The following ANKRD63 variants were observed in gnomAD, a reference collection of about 807,000 sequenced individuals.
ANKRD63 encodes ankyrin repeat domain 63.
Under a neutral mutation model 21.2 loss-of-function variants are expected in ANKRD63, and 18 were observed. The observed-to-expected ratio is 0.85, with a 90% CI of 0.59 to 1.26. The LOEUF (loss-of-function observed/expected upper bound fraction) is 1.26, where lower values mean the gene tolerates loss of function less well. Ranked by LOEUF, ANKRD63 falls within the 50% of genes most tolerant of loss-of-function variation. ANKRD63 has a pLI of 0.00. For missense variants in ANKRD63, 523 were observed against 570.9 expected, an observed-to-expected ratio of 0.92 and a Z score of 0.85; for synonymous variants, 322 against 273.3, an observed-to-expected ratio of 1.18 and a Z score of -1.76.
In ANKRD63 at chr15:40,281,410, G is replaced by C; in HGVS notation, c.*34C>G. 7.4e-7 allele frequency: 1 copy of C among 1,360,070 alleles called. No individual in the cohort carries two copies. The highest frequency in any genetic ancestry group is 1.7e-5 in the South Asian group (1 of 57,378). The allele number at this position is 1,360,070 out of a possible 1,614,324, so 84.3% of individuals were successfully genotyped here. Reference sequence around the variant, plus strand: ...AATACCAGTGGAGTAGAAACGGGAGGGTAGGGGAAGCAGGCCTCGGGCCTT... The same window carrying C: ...AATACCAGTGGAGTAGAAACGGGAGCGTAGGGGAAGCAGGCCTCGGGCCTT... On this transcript the variant is annotated 3_prime_UTR_variant, in exon 1 of 1. Coordinates refer to ENST00000434396, the MANE Select transcript of ANKRD63 (RefSeq NM_001190479.3).
chr15:40,282,622 C>A lies in ANKRD63; in HGVS notation c.-36G>T. The A allele has an allele frequency of 7.4e-7, 1 of 1,356,250 alleles. No individual in the cohort carries two copies. Among genetic ancestry groups the A allele is most frequent in the South Asian group, 1.7e-5 (1 of 57,582 alleles). The allele number at this position is 1,356,250 out of a possible 1,614,324, so 84.0% of individuals were successfully genotyped here. On this transcript the variant is annotated 5_prime_UTR_variant, in exon 1 of 1. Transcript: ENST00000434396. Reference sequence around the variant, plus strand: ...GCCGCGCCCGGGCAGCCTGGCAGTTCCGCACGGGGGCGCCCCTGTTCTCGC... The same window carrying A: ...GCCGCGCCCGGGCAGCCTGGCAGTTACGCACGGGGGCGCCCCTGTTCTCGC...
rs2039537233 is a variant in ANKRD63, at chr15:40,281,178, G to GA, written c.*265dup. On this transcript the variant is annotated 3_prime_UTR_variant, in exon 1 of 1. Transcript: ENST00000434396. ...ATTGAGCCTGAGGGCTGGGGAGGGG[G>GA]AATCCACCTTCCTGGCTGTAGCCTA... is the stretch of plus-strand genomic sequence containing the variant. Among the ~76,000 whole-genome samples the GA allele has an allele frequency of 1.3e-5, 2 of 152,208 alleles. No individual in the cohort carries two copies. The highest frequency in any genetic ancestry group is 2.1e-4 in the South Asian group (1 of 4,832).
chr15:40,278,693 C>T lies in ANKRD63; in HGVS notation c.*2751G>A, dbSNP rs1041271767. ...AAAACATGGAAGTTCTGCACAGAGC[C>T]GGGCCTGGGAAGGAGTCTGTATGTA... On this transcript the variant is annotated 3_prime_UTR_variant, in exon 1 of 1. Transcript: ENST00000434396. Among the ~76,000 whole-genome samples, 2 of 152,130 alleles carry T rather than the reference C, an allele frequency of 1.3e-5. No individual in the cohort carries two copies. The highest frequency in any genetic ancestry group is 2.9e-5 in the Non-Finnish European group (2 of 68,030).
Position 40,281,953 on chromosome 15 carries a change from G to A in ANKRD63, c.634C>T (p.Arg212Cys), listed in dbSNP as rs1044594425. ...ASPEHRRPSP[R>C]RLPRPLLARF... ...GCCAGGAGAGGCCGCGGGAGGCGGC[G>A]GGGGCTGGGTCGTCGATGCTCGGGG... Residue 212 changes from arginine to cysteine, a missense_variant, in exon 1 of 1, where the codon CGC becomes TGC. Arg to Cys is a radical substitution (Grantham distance 180). Transcript: ENST00000434396. The A allele has an allele frequency of 3.8e-4, 502 of 1,306,714 alleles. No individual in the cohort carries two copies. Among genetic ancestry groups the A allele is most frequent in the Middle Eastern group, 5.8e-4 (2 of 3,458 alleles). 80.9% of individuals were successfully genotyped at this position (1,306,714 alleles called of 1,614,324 possible).
chr15:40,279,586 T>A lies in ANKRD63; in HGVS notation c.*1858A>T, dbSNP rs1218310718. Among the ~76,000 whole-genome samples the A allele has an allele frequency of 6.6e-6, 1 of 152,066 alleles. No individual in the cohort carries two copies. Among genetic ancestry groups the A allele is most frequent in the African/African-American group, 2.4e-5 (1 of 41,394 alleles). On this transcript the variant is annotated 3_prime_UTR_variant, in exon 1 of 1. Coordinates refer to ENST00000434396, the MANE Select transcript of ANKRD63 (RefSeq NM_001190479.3). The stretch of plus-strand genomic sequence containing the variant: ...CGCTGCCACCAGGGGGCACCAGAGA[T>A]CACGTCCAGTGCGCCGGCCTGCTTG...
In ANKRD63 at chr15:40,281,060, G is replaced by C. The variant is rs936554242; in HGVS notation, c.*384C>G. Reference sequence around the variant, plus strand: ...GGCTGGGTCCTTATTCTCCAAGGTGGACCCTTCTATTTACCTGGCTGCCCA... The same window carrying C: ...GGCTGGGTCCTTATTCTCCAAGGTGCACCCTTCTATTTACCTGGCTGCCCA... On this transcript the variant is annotated 3_prime_UTR_variant, in exon 1 of 1. Transcript: ENST00000434396. Among the ~76,000 whole-genome samples the C allele has an allele frequency of 6.6e-6, 1 of 152,170 alleles. No individual in the cohort carries two copies. The highest frequency in any genetic ancestry group is 2.4e-5 in the African/African-American group (1 of 41,452).
Position 40,282,674 on chromosome 15 carries a change from G to A in ANKRD63, c.-88C>T, listed in dbSNP as rs913078394. On this transcript the variant is annotated 5_prime_UTR_variant, in exon 1 of 1. Coordinates refer to ENST00000434396, the MANE Select transcript of ANKRD63 (RefSeq NM_001190479.3). Reference sequence around the variant, plus strand: ...CCCCGCGGGGCTCCGGCCTCCGCCCGCGCTCTGATACCTCTCCCTCCGCGC... The same window carrying A: ...CCCCGCGGGGCTCCGGCCTCCGCCCACGCTCTGATACCTCTCCCTCCGCGC... 2 of 1,051,338 alleles carry A rather than the reference G, an allele frequency of 1.9e-6. No homozygotes were observed. The highest frequency in any genetic ancestry group is 2.5e-6 in the Non-Finnish European group (2 of 789,396). The allele number at this position is 1,051,338 out of a possible 1,614,324, so 65.1% of individuals were successfully genotyped here. A position where few individuals can be genotyped will look rare whatever the true frequency, so the allele number is the denominator to read the frequency against.
In ANKRD63 at chr15:40,282,354, T is replaced by G; in HGVS notation, c.233A>C (p.Asn78Thr). ...GGTGCGGCCGCGCTCGTCTCGCAGGTTCACTGCAGCACCCTGCTCGAGCAG... is the reference window on the plus strand; with the variant it reads ...GGTGCGGCCGCGCTCGTCTCGCAGGGTCACTGCAGCACCCTGCTCGAGCAG... Reference protein sequence around the residue: ...RLLLEQGAAVNLRDERGRTAL... With the variant: ...RLLLEQGAAVTLRDERGRTAL... The change falls in exon 1 of 1, where the codon AAC becomes ACC. Residue 78 changes from asparagine (N) to threonine (T), a missense_variant. Asn to Thr is a moderately conservative substitution (Grantham distance 65). Around this residue, in one of 2 missense-constraint regions of ANKRD63, gnomAD observed 215 missense variants for 280.4 expected, o/e 0.77. Transcript: ENST00000434396. The G allele has an allele frequency of 6.6e-7, 1 of 1,510,382 alleles. No homozygotes were observed. The highest frequency in any genetic ancestry group is 8.8e-7 in the Non-Finnish European group (1 of 1,137,710). The allele number at this position is 1,510,382 out of a possible 1,614,324, so 93.6% of individuals were successfully genotyped here. A position where few individuals can be genotyped will look rare whatever the true frequency, so the allele number is the denominator to read the frequency against.
Position 40,279,048 on chromosome 15 carries a change from AAGC to A in ANKRD63, c.*2393_*2395del, listed in dbSNP as rs2039513812. Among the ~76,000 whole-genome samples, 2 of 152,246 alleles carry A rather than the reference AAGC, an allele frequency of 1.3e-5. No homozygotes were observed. The highest frequency in any genetic ancestry group is 2.4e-5 in the African/African-American group (1 of 41,454). On this transcript the variant is annotated 3_prime_UTR_variant, in exon 1 of 1. Transcript: ENST00000434396. ...AGTACATAAGCAAGCAAGGGTCAGA[AAGC>A]AGCAGTTTGCACTTGGGGTGTCCAG...
chr15:40,281,375 A>G lies in ANKRD63; in HGVS notation c.*69T>C. 1 of 1,278,502 alleles carries G rather than the reference A, an allele frequency of 7.8e-7. No homozygotes were observed. Among genetic ancestry groups the G allele is most frequent in the Non-Finnish European group, 1.0e-6 (1 of 994,338 alleles). 79.2% of individuals were successfully genotyped at this position (1,278,502 alleles called of 1,614,324 possible). A position where few individuals can be genotyped will look rare whatever the true frequency, so the allele number is the denominator to read the frequency against. On this transcript the variant is annotated 3_prime_UTR_variant, in exon 1 of 1. Coordinates refer to ENST00000434396, the MANE Select transcript of ANKRD63 (RefSeq NM_001190479.3). ...CGGCTGCCGAAAAGGTGAGGGACCT[A>G]GAAGAGAGAAATACCAGTGGAGTAG... is the stretch of plus-strand genomic sequence containing the variant.
Position 40,281,432 on chromosome 15 carries a change from C to A in ANKRD63, c.*12G>T. ...GAGGGTAGGGGAAGCAGGCCTCGGG[C>A]CTTGGCGCCGTTTACCGCTGAGCAC... On this transcript the variant is annotated 3_prime_UTR_variant, in exon 1 of 1. Transcript: ENST00000434396. 1 of 1,385,664 alleles carries A rather than the reference C, an allele frequency of 7.2e-7. No individual in the cohort carries two copies. The highest frequency in any genetic ancestry group is 9.3e-7 in the Non-Finnish European group (1 of 1,074,658). The allele number at this position is 1,385,664 out of a possible 1,614,324, so 85.8% of individuals were successfully genotyped here. A position where few individuals can be genotyped will look rare whatever the true frequency, so the allele number is the denominator to read the frequency against.
At position 40,282,174 on chromosome 15, in the gene ANKRD63, C is replaced by T; in HGVS notation, c.413G>A (p.Arg138Gln). ...GCGCAGGCCTAGGCGGCGGAAGGAC[C>T]GCACCAGGAACTCGAGCACCGCCCC... Reference protein sequence around the residue: ...GHGAVLEFLVRSFRRLGLRLD... With the variant: ...GHGAVLEFLVQSFRRLGLRLD... Residue 138 changes from arginine to glutamine, a missense_variant, in exon 1 of 1, where the codon CGG becomes CAG. By Grantham distance (43) the Arg-to-Gln change is conservative. This residue lies in a region of ANKRD63 where 215 missense variants were observed against 280.4 expected (regional missense o/e 0.77). Coordinates refer to ENST00000434396, the MANE Select transcript of ANKRD63 (RefSeq NM_001190479.3). 1 of 1,493,198 alleles carries T rather than the reference C, an allele frequency of 6.7e-7. No individual in the cohort carries two copies. The highest frequency in any genetic ancestry group is 8.8e-7 in the Non-Finnish European group (1 of 1,130,256). 92.5% of individuals were successfully genotyped at this position (1,493,198 alleles called of 1,614,324 possible).
Position 40,281,942 on chromosome 15 carries a change from C to T in ANKRD63, c.645G>A (p.Pro215=). 9 of 1,312,992 alleles carry T rather than the reference C, an allele frequency of 6.9e-6. No homozygotes were observed. Among genetic ancestry groups the T allele is most frequent in the Non-Finnish European group, 8.7e-6 (9 of 1,035,064 alleles). 81.3% of individuals were successfully genotyped at this position (1,312,992 alleles called of 1,614,324 possible). A position where few individuals can be genotyped will look rare whatever the true frequency, so the allele number is the denominator to read the frequency against. ...EHRRPSPRRL[P]RPLLARFARA... ...GCGCAAAGCGCGCCAGGAGAGGCCG[C>T]GGGAGGCGGCGGGGGCTGGGTCGTC... is the stretch of plus-strand genomic sequence containing the variant. The change falls in exon 1 of 1, where the codon CCG becomes CCA. Residue 215 remains proline, a synonymous_variant. Coordinates refer to ENST00000434396, the MANE Select transcript of ANKRD63 (RefSeq NM_001190479.3).
In ANKRD63 at chr15:40,279,226, T is replaced by A. The variant is rs2039515756; in HGVS notation, c.*2218A>T. Reference sequence around the variant, plus strand: ...AGAATACCTCAGAAACCAAAGCTAGTATCAGAAGAAAACTGCATAATCGGC... The same window carrying A: ...AGAATACCTCAGAAACCAAAGCTAGAATCAGAAGAAAACTGCATAATCGGC... On this transcript the variant is annotated 3_prime_UTR_variant, in exon 1 of 1. Transcript: ENST00000434396. Among the ~76,000 whole-genome samples the A allele has an allele frequency of 6.6e-6, 1 of 152,240 alleles. No homozygotes were observed. Among genetic ancestry groups the A allele is most frequent in the East Asian group, 1.9e-4 (1 of 5,184 alleles).
In ANKRD63 at chr15:40,281,352, G is replaced by A; in HGVS notation, c.*92C>T. The A allele has an allele frequency of 2.6e-6, 3 of 1,152,212 alleles. No individual in the cohort carries two copies. Among genetic ancestry groups the A allele is most frequent in the Admixed American group, 3.8e-5 (1 of 26,448 alleles). 71.4% of individuals were successfully genotyped at this position (1,152,212 alleles called of 1,614,324 possible). A position where few individuals can be genotyped will look rare whatever the true frequency, so the allele number is the denominator to read the frequency against. On this transcript the variant is annotated 3_prime_UTR_variant, in exon 1 of 1. Coordinates refer to ENST00000434396, the MANE Select transcript of ANKRD63 (RefSeq NM_001190479.3). Reference sequence around the variant, plus strand: ...GTTCCAAAATGGACTGCGGGGGGCGGCTGCCGAAAAGGTGAGGGACCTAGA... The same window carrying A: ...GTTCCAAAATGGACTGCGGGGGGCGACTGCCGAAAAGGTGAGGGACCTAGA...
rs1023078591 is a variant in ANKRD63 at position 40,281,346 on chromosome 15, G to A, written c.*98C>T. 3.0e-5 allele frequency: 33 copies of A among 1,100,298 alleles called. No homozygotes were observed. In the African/African-American group the frequency reaches 5.4e-4, roughly 18 times the overall value. 68.2% of individuals were successfully genotyped at this position (1,100,298 alleles called of 1,614,324 possible). ...AGGCAGGTTCCAAAATGGACTGCGG[G>A]GGGCGGCTGCCGAAAAGGTGAGGGA... On this transcript the variant is annotated 3_prime_UTR_variant, in exon 1 of 1. Transcript: ENST00000434396.
Position 40,280,104 on chromosome 15 carries a change from C to T in ANKRD63, c.*1340G>A, listed in dbSNP as rs2039524474. On this transcript the variant is annotated 3_prime_UTR_variant, in exon 1 of 1. Coordinates refer to ENST00000434396, the MANE Select transcript of ANKRD63 (RefSeq NM_001190479.3). ...CTTACTCATCTACCCAGTAATAAAA[C>T]TGGGCCGGGCCTGCGTCCCACGCGG... Among the ~76,000 whole-genome samples the T allele has an allele frequency of 6.6e-6, 1 of 152,256 alleles. No individual in the cohort carries two copies. Among genetic ancestry groups the T allele is most frequent in the East Asian group, 1.9e-4 (1 of 5,200 alleles).
Position 40,282,501 on chromosome 15 carries a change from C to G in ANKRD63, c.86G>C (p.Arg29Pro). The change falls in exon 1 of 1, where the codon CGC (arginine) becomes CCC (proline). Residue 29 changes from arginine (R) to proline (P), a missense_variant. Arg to Pro is a moderately radical substitution (Grantham distance 103). This residue lies in a region of ANKRD63 where 215 missense variants were observed against 280.4 expected (regional missense o/e 0.77). Coordinates refer to ENST00000434396, the MANE Select transcript of ANKRD63 (RefSeq NM_001190479.3). ...GCGGTCCAGCGCATCCAACACGAAGCGGGCCAAGTGCACTTTGCCCGCCTG... is the reference window on the plus strand; with the variant it reads ...GCGGTCCAGCGCATCCAACACGAAGGGGGCCAAGTGCACTTTGCCCGCCTG... ...AMQAGKVHLA[R>P]FVLDALDRSI... 6.6e-7 allele frequency: 1 copy of G among 1,515,984 alleles called. No individual in the cohort carries two copies. Among genetic ancestry groups the G allele is most frequent in the Non-Finnish European group, 8.8e-7 (1 of 1,139,830 alleles). The allele number at this position is 1,515,984 out of a possible 1,614,324, so 93.9% of individuals were successfully genotyped here.
At position 40,282,048 on chromosome 15, in the gene ANKRD63, G is replaced by GCGT. The variant is rs2039550671; in HGVS notation, c.538_539insACG (p.Arg179_Ala180insAsp). On this transcript the variant is annotated inframe_insertion, in exon 1 of 1. Coordinates refer to ENST00000434396, the MANE Select transcript of ANKRD63 (RefSeq NM_001190479.3). The stretch of plus-strand genomic sequence containing the variant: ...GCCCCGGGCCGCAGCGGCGGCGGCG[G>GCGT]CGCGGCCCCAGGGCCCGGTGAGGGC... 1 of 1,229,112 alleles carries GCGT rather than the reference G, an allele frequency of 8.1e-7. No homozygotes were observed. Among genetic ancestry groups the GCGT allele is most frequent in the South Asian group, 3.8e-5 (1 of 26,210 alleles). 76.1% of individuals were successfully genotyped at this position (1,229,112 alleles called of 1,614,324 possible).
Sources: allele counts gnomAD v4.1 joint callset (sites outside exome capture counted in the v4.1 genomes callset), GRCh38; gene constraint gnomAD v4.1.1; regional missense constraint gnomAD v4.1.1; transcripts MANE v1.5; gene names NCBI Gene and HGNC (gene_info 2026-07-23, HGNC 2026-07-21).